Variants in ULK2 observed in about 807,000 individuals in gnomAD.
ULK2 encodes serine/threonine-protein kinase ULK2.
A neutral mutation model predicts 127.5 loss-of-function variants in ULK2; 76 were observed. The ratio of observed to expected loss-of-function variants is 0.60; its 90% CI spans 0.50 to 0.72. The LOEUF (loss-of-function observed/expected upper bound fraction) is 0.72, where lower values mean the gene tolerates loss of function less well. Among genes scored for constraint, ULK2 ranks in the 30% least tolerant of loss-of-function variants. The pLI is 0.00. For missense variants in ULK2, 1,144 were observed against 1,295.9 expected (o/e 0.88, Z 1.80); for synonymous variants, 452 against 461.9 (o/e 0.98, Z 0.28).
At chr17:19,815,230 A>G (rs887996028) in intron 13 of ULK2, among the ~76,000 whole-genome samples, 3 of 152,100 alleles carry the variant, frequency 2.0e-5, no homozygotes, top group Non-Finnish European at 2.9e-5. Flanking sequence ...AAGGCACTTT[A>G]GCTGTACTTA....
chr17:19,792,218 TA>T (rs1200336666), intron 20 of ULK2, among the ~76,000 whole-genome samples: 1 of 151,632 alleles, frequency 6.6e-6, no homozygotes, highest in Non-Finnish European at 1.5e-5. Flanking sequence ...AAAGAAATAA[TA>T]AAAATCAGGG....
Position 19,867,364 on chromosome 17 carries a change from C to A in ULK2, c.54G>T (p.Gly18=), listed in dbSNP as rs1475657252. 6.2e-7 allele frequency: 1 copy of A among 1,603,244 alleles called. No individual in the cohort carries two copies. The highest frequency in any genetic ancestry group is 8.5e-7 in the Non-Finnish European group (1 of 1,176,042). The change falls in exon 1 of 27, where the codon GGG becomes GGT. Residue 18 remains glycine (G), a synonymous_variant. Coordinates refer to ENST00000395544, the MANE Select transcript of ULK2 (RefSeq NM_014683.4). ...GCCCCCGGAAGACCACGGCGAAGGC[C>A]CCGTGTCCCACGAGATCCCTCTTGC... ...EYSKRDLVGH[G]AFAVVFRGRH...
intron 10 of ULK2, among the ~76,000 whole-genome samples, chr17:19,826,614 C>T (rs755403464): frequency 2.0e-5 from 3 of 152,102 alleles, no homozygotes; most frequent in Non-Finnish European, 4.4e-5. Flanking sequence ...ATACAACAAA[C>T]TATCCTTCGC....
chr17:19,786,159 G>A (rs2087026869), intron 20 of ULK2, 73 bp from the exon 21 acceptor site: 4 of 1,431,834 alleles, frequency 2.8e-6, no homozygotes, highest in Middle Eastern at 2.1e-4. Context: ...ATTGCAGGGG[G>A]ATACTGACTT....
At chr17:19,830,722 C>T (rs1327633642) in intron 10 of ULK2, among the ~76,000 whole-genome samples, 3 of 151,640 alleles carry the variant, frequency 2.0e-5, no homozygotes, top group African/African-American at 7.3e-5. Context: ...ACTCTGTTTT[C>T]GCACACTATA....
Position 19,858,077 on chromosome 17 carries a change from T to C in ULK2, c.225+6726A>G, listed in dbSNP as rs34922773. On this transcript the variant is annotated intron_variant, in intron 3 of 26. Coordinates refer to ENST00000395544, the MANE Select transcript of ULK2 (RefSeq NM_014683.4). ...ATTGTTCAAACCTCGCCAAGAGCTC[T>C]CCCTTACAGCACTTGGCACACTTGG... Among the ~76,000 whole-genome samples, 685 of 152,208 alleles carry C rather than the reference T, an allele frequency of 4.5e-3. 3 individuals carry two copies. The highest frequency in any genetic ancestry group is 7.2e-3 in the Non-Finnish European group (488 of 68,014).
Position 19,775,224 on chromosome 17 carries a change from G to A in ULK2, c.*1125C>T, listed in dbSNP as rs2086793545. 1 of 152,626 alleles carries A rather than the reference G, an allele frequency of 6.6e-6. No individual in the cohort carries two copies. The highest frequency in any genetic ancestry group is 1.5e-5 in the Non-Finnish European group (1 of 68,048). The allele number at this position is 152,626 out of a possible 1,614,324, so 9.5% of individuals were successfully genotyped here. A position where few individuals can be genotyped will look rare whatever the true frequency, so the allele number is the denominator to read the frequency against. On this transcript the variant is annotated 3_prime_UTR_variant, in exon 27 of 27. Transcript: ENST00000395544. Reference sequence around the variant, plus strand: ...TAAGTTAACTGCCTGCATTCTCCATGACTAGCTATTTGGTGAACTGTCAGA... The same window carrying A: ...TAAGTTAACTGCCTGCATTCTCCATAACTAGCTATTTGGTGAACTGTCAGA...
intron 16 of ULK2, among the ~76,000 whole-genome samples, chr17:19,800,433 T>C (rs2087373837): frequency 6.6e-6 from 1 of 152,204 alleles, no homozygotes; most frequent in South Asian, 2.1e-4. Flanking sequence ...GGAAGGGCTT[T>C]ATCCTTGTGT....
At chr17:19,799,098 T>C (rs1276080187) in intron 17 of ULK2, among the ~76,000 whole-genome samples, 1 of 151,166 alleles carries the variant, frequency 6.6e-6, no homozygotes, top group Non-Finnish European at 1.5e-5. Flanking sequence ...GAGGTGGAGG[T>C]TGCAGTGAGC....
intron 12 of ULK2, among the ~76,000 whole-genome samples, chr17:19,817,551 G>A (rs2041022105): frequency 6.6e-6 from 1 of 152,146 alleles, no homozygotes. Flanking sequence ...GATAGGAAGG[G>A]AAGAAAAGCA....
chr17:19,788,142 AC>A (rs2087075245), intron 20 of ULK2, among the ~76,000 whole-genome samples: 1 of 152,098 alleles, frequency 6.6e-6, no homozygotes, highest in South Asian at 2.1e-4. Flanking sequence ...GCAGTCTAGG[AC>A]ACAAGGACTG....
intron 9 of ULK2, 28 bp downstream of exon 9, chr17:19,841,461 T>A: frequency 6.4e-7 from 1 of 1,564,516 alleles, no homozygotes; most frequent in Non-Finnish European, 8.6e-7. Context: ...TCACAAATAG[T>A]AAAACCCAGT....
At chr17:19,798,958 C>T (rs1291250015) in intron 17 of ULK2, among the ~76,000 whole-genome samples, 2 of 151,354 alleles carry the variant, frequency 1.3e-5, no homozygotes, top group Non-Finnish European at 2.9e-5. Context: ...GTCAGGAGTT[C>T]GAGACTAGCC....
intron 3 of ULK2, among the ~76,000 whole-genome samples, chr17:19,853,836 G>C (rs1023130959): frequency 6.6e-6 from 1 of 151,950 alleles, no homozygotes; most frequent in Admixed American, 6.6e-5. Context: ...CTCCCAAAGT[G>C]CTGGGATTAC....
intron 10 of ULK2, among the ~76,000 whole-genome samples, chr17:19,830,078 C>T (rs940834826): frequency 2.0e-5 from 3 of 152,146 alleles, no homozygotes; most frequent in Non-Finnish European, 4.4e-5. Context: ...TATAAACTAA[C>T]TGGACCTAAC....
chr17:19,863,394 C>T (rs1198302718), intron 3 of ULK2, among the ~76,000 whole-genome samples: 1 of 152,000 alleles, frequency 6.6e-6, no homozygotes, highest in African/African-American at 2.4e-5. Context: ...CTGACCTGCC[C>T]TGCAGTGACA....
chr17:19,818,943 G>A (rs1023337817), intron 12 of ULK2, among the ~76,000 whole-genome samples: 1 of 151,840 alleles, frequency 6.6e-6, no homozygotes, highest in Non-Finnish European at 1.5e-5. Context: ...TGGGATTGCA[G>A]GCATCTGCCA....
Position 19,804,706 on chromosome 17 carries a change from G to A in ULK2, c.1282C>T (p.His428Tyr), listed in dbSNP as rs761519473. The change falls in exon 15 of 27, where the codon CAT becomes TAT. Residue 428 changes from histidine (H) to tyrosine (Y), a missense_variant. Physicochemically the swap from His to Tyr is moderately conservative, Grantham distance 83. This residue lies in a region of ULK2 where 913 missense variants were observed against 970.5 expected (regional missense o/e 0.94). Transcript: ENST00000395544. ...CTACTAACTTACCTTGGAGAACCAT[G>A]TACATTTGTGCCTGAGCTGGCAGTA... ...TSTASSGTNV[H>Y]GSPRSAVVRR... is the part of the protein sequence containing the mutation. 16 of 1,606,966 alleles carry A rather than the reference G, an allele frequency of 1.0e-5. No individual in the cohort carries two copies. Among genetic ancestry groups the A allele is most frequent in the Non-Finnish European group, 1.4e-5 (16 of 1,176,390 alleles).
At chr17:19,791,025 A>C (rs1227856574) in intron 20 of ULK2, among the ~76,000 whole-genome samples, 1 of 152,246 alleles carries the variant, frequency 6.6e-6, no homozygotes, top group Non-Finnish European at 1.5e-5. Context: ...TGTTAGAGCT[A>C]AAGACAGAGA....
Sources: gnomAD v4.1 joint callset for allele counts (sites outside exome capture counted in the v4.1 genomes callset) on GRCh38, gnomAD v4.1.1 for gene constraint, gnomAD v4.1.1 regional missense constraint, MANE v1.5 for transcripts, NCBI Gene and HGNC (gene_info 2026-07-23, HGNC 2026-07-21) for gene names.